Variants in RNFT2 observed in about 807,000 individuals in gnomAD.
RNFT2 encodes E3 ubiquitin-protein ligase RNFT2.
Under a neutral mutation model 53.0 loss-of-function variants are expected in RNFT2, and 36 were observed. That is an observed-to-expected ratio of 0.68 (90% CI 0.52 to 0.90). The LOEUF (loss-of-function observed/expected upper bound fraction) is 0.90. Ranked by LOEUF, RNFT2 falls within the 40% of genes least tolerant of loss-of-function variation. The probability of loss-of-function intolerance (pLI) is 0.00; values close to 1 mark genes in which losing one functional copy is unlikely to be tolerated. For synonymous variants in RNFT2, 260 were observed against 253.2 expected (o/e 1.03, Z -0.26); for missense variants, 514 against 585.6 (o/e 0.88, Z 1.26).
At position 116,853,077 on chromosome 12, in the gene RNFT2, T is replaced by C; in HGVS notation, c.*3629T>C. The stretch of plus-strand genomic sequence containing the variant: ...CTGGGGGAACGTCCCATCTGAGGTT[T>C]TCTTCTCGGTGGGGGGATTTAACTT... On this transcript the variant is annotated 3_prime_UTR_variant, in exon 11 of 11. Coordinates refer to ENST00000257575, the MANE Select transcript of RNFT2 (RefSeq NM_001382266.1). 2.4e-6 allele frequency: 1 copy of C among 419,390 alleles called. No homozygotes were observed. Among genetic ancestry groups the C allele is most frequent in the Non-Finnish European group, 4.2e-6 (1 of 238,988 alleles). The allele number at this position is 419,390 out of a possible 1,614,324, so 26.0% of individuals were successfully genotyped here. A position where few individuals can be genotyped will look rare whatever the true frequency, so the allele number is the denominator to read the frequency against.
intron 6 of RNFT2, among the ~76,000 whole-genome samples, chr12:116,772,259 A>G (rs930950760): frequency 6.4e-4 from 97 of 152,132 alleles, no homozygotes; most frequent in African/African-American, 2.2e-3. Flanking sequence ...ACCTGGTCAC[A>G]GTTTGTAAAG....
At chr12:116,753,152 T>C (rs949676352) in intron 4 of RNFT2, among the ~76,000 whole-genome samples, 8 of 122,520 alleles carry the variant, frequency 6.5e-5, no homozygotes, top group African/African-American at 2.5e-4. Context: ...CTTTTTCTTT[T>C]TTTTTTTTTT....
intron 6 of RNFT2, among the ~76,000 whole-genome samples, chr12:116,771,777 G>A (rs1281659452): frequency 1.3e-5 from 2 of 152,070 alleles, no homozygotes; most frequent in African/African-American, 2.4e-5. Context: ...CAAAGCACAG[G>A]AAATTGAATG....
intron 5 of RNFT2, among the ~76,000 whole-genome samples, chr12:116,757,504 G>A (rs1872555576): frequency 6.6e-6 from 1 of 151,968 alleles, no homozygotes; most frequent in African/African-American, 2.4e-5. Context: ...ATATCCCAGA[G>A]GTTTTGATAG....
chr12:116,839,056 C>T (rs1877117538), intron 10 of RNFT2, among the ~76,000 whole-genome samples: 1 of 152,254 alleles, frequency 6.6e-6, no homozygotes, highest in South Asian at 2.1e-4. Flanking sequence ...ATGTTGCTTC[C>T]TCCATAAAGT....
intron 4 of RNFT2, among the ~76,000 whole-genome samples, chr12:116,750,906 ATATT>A (rs1566069633): frequency 3.0e-4 from 19 of 62,758 alleles, no homozygotes; most frequent in Non-Finnish European, 4.8e-4. Flanking sequence ...ATATATATAT[ATATT>A]TTTTTTTGAG....
intron 5 of RNFT2, among the ~76,000 whole-genome samples, chr12:116,757,332 C>G (rs569674355): frequency 2.0e-4 from 31 of 152,194 alleles, no homozygotes; most frequent in Admixed American, 1.1e-3. Flanking sequence ...TAGTTCTGCT[C>G]TGATCTTGGT....
At chr12:116,832,404 T>C (rs1358408655) in intron 7 of RNFT2, among the ~76,000 whole-genome samples, 2 of 152,128 alleles carry the variant, frequency 1.3e-5, no homozygotes, top group Non-Finnish European at 2.9e-5. Context: ...CATTCATGTA[T>C]ACTTATTGCT....
intron 7 of RNFT2, among the ~76,000 whole-genome samples, chr12:116,824,094 TTCTTTCCCAGG>T (rs1876198578): frequency 1.3e-5 from 2 of 152,126 alleles, no homozygotes; most frequent in African/African-American, 4.8e-5. Flanking sequence ...AGGGCCACGT[TTCTTTCCCAGG>T]TCTTTCCCAT....
intron 6 of RNFT2, among the ~76,000 whole-genome samples, chr12:116,772,838 A>C (rs1394382825): frequency 2.6e-5 from 4 of 151,902 alleles, no homozygotes; most frequent in African/African-American, 7.3e-5. Context: ...GCATTTCTTT[A>C]TTTATTTTGA....
intron 7 of RNFT2, among the ~76,000 whole-genome samples, chr12:116,781,941 T>C (rs955228048): frequency 9.9e-5 from 15 of 151,826 alleles, no homozygotes; most frequent in African/African-American, 3.6e-4. Flanking sequence ...TAGCTGGGCG[T>C]GGCAGCATGC....
intron 4 of RNFT2, among the ~76,000 whole-genome samples, chr12:116,750,808 TA>T (rs1162993116): frequency 0.021 from 512 of 24,270 alleles, 14 homozygotes; most frequent in African/African-American, 0.059. Context: ...TATATATATA[TA>T]ATATATATAT....
At position 116,836,266 on chromosome 12, in the gene RNFT2, T is replaced by G; in HGVS notation, c.1184T>G (p.Leu395Arg). ...AICQAEFREP[L>R]ILLCQHVFCE... Reference sequence around the variant, plus strand: ...TGTCAGGCCGAGTTCCGAGAGCCTCTGATTCTCCTGTGCCAGGTGAGCAGG... The same window carrying G: ...TGTCAGGCCGAGTTCCGAGAGCCTCGGATTCTCCTGTGCCAGGTGAGCAGG... Residue 395 changes from leucine (L) to arginine (R), a missense_variant, in exon 10 of 11, where the codon CTG (leucine) becomes CGG (arginine). Leu to Arg is a moderately radical substitution (Grantham distance 102, BLOSUM62 -2). Transcript: ENST00000257575. The G allele has an allele frequency of 6.3e-7, 1 of 1,576,186 alleles. No individual in the cohort carries two copies. Among genetic ancestry groups the G allele is most frequent in the Non-Finnish European group, 8.6e-7 (1 of 1,160,876 alleles).
chr12:116,852,802 C>T lies in RNFT2; in HGVS notation c.*3354C>T, dbSNP rs1370623129. 4 of 1,288,618 alleles carry T rather than the reference C, an allele frequency of 3.1e-6. No homozygotes were observed. In the African/African-American group the frequency reaches 5.8e-5, roughly 19 times the overall value. The allele number at this position is 1,288,618 out of a possible 1,614,324, so 79.8% of individuals were successfully genotyped here. A position where few individuals can be genotyped will look rare whatever the true frequency, so the allele number is the denominator to read the frequency against. ...GGAAGTCACTCAGCCTCCCTGTAGC[C>T]ATCTCCAGGGTGACGGAACCCAGTG... On this transcript the variant is annotated 3_prime_UTR_variant, in exon 11 of 11. Transcript: ENST00000257575.
chr12:116,846,256 C>T (rs1877607512), intron 10 of RNFT2, among the ~76,000 whole-genome samples: 1 of 150,600 alleles, frequency 6.6e-6, no homozygotes, highest in South Asian at 2.1e-4. Flanking sequence ...GTCATTATTC[C>T]AAGTGCCTTC....
intron 5 of RNFT2, chr12:116,755,764 A>G: frequency 5.3e-6 from 8 of 1,496,686 alleles, no homozygotes; most frequent in Non-Finnish European, 7.4e-6. Flanking sequence ...CTACGATATC[A>G]CCTTTCTTAT....
Position 116,851,842 on chromosome 12 carries a change from C to G in RNFT2, c.*2394C>G. ...GGCCCAGATGTGGTTACCCCTTGGT[C>G]TCCTGTCTTTATGTCTTTCTCCTCT... is the stretch of plus-strand genomic sequence containing the variant. On this transcript the variant is annotated 3_prime_UTR_variant, in exon 11 of 11. Coordinates refer to ENST00000257575, the MANE Select transcript of RNFT2 (RefSeq NM_001382266.1). 6.9e-7 allele frequency: 1 copy of G among 1,450,830 alleles called. No individual in the cohort carries two copies. Among genetic ancestry groups the G allele is most frequent in the South Asian group, 1.2e-5 (1 of 82,342 alleles). 89.9% of individuals were successfully genotyped at this position (1,450,830 alleles called of 1,614,324 possible). A position where few individuals can be genotyped will look rare whatever the true frequency, so the allele number is the denominator to read the frequency against.
chr12:116,789,007 AGATG>A (rs1159516335), intron 7 of RNFT2, among the ~76,000 whole-genome samples: 3 of 132,194 alleles, frequency 2.3e-5, no homozygotes, highest in South Asian at 2.6e-4. Context: ...AGAGGAGAGT[AGATG>A]GATGGATGGG....
At chr12:116,775,781 G>A (rs560029078) in intron 6 of RNFT2, among the ~76,000 whole-genome samples, 12 of 152,294 alleles carry the variant, frequency 7.9e-5, no homozygotes, top group Admixed American at 2.6e-4. Flanking sequence ...AGTGGCTCAC[G>A]CCTGTATTCC....
Sources: allele counts gnomAD v4.1 joint callset (sites outside exome capture counted in the v4.1 genomes callset), GRCh38; gene constraint gnomAD v4.1.1; transcripts MANE v1.5; gene names NCBI Gene and HGNC (gene_info 2026-07-23, HGNC 2026-07-21).